The following DENND1A variants were observed in gnomAD, a reference collection of about 807,000 sequenced individuals.
DENND1A encodes DENN domain-containing protein 1A.
DENND1A carries 51 observed loss-of-function variants against 113.7 expected under a neutral mutation model. That is an observed-to-expected ratio of 0.45 (90% CI 0.36 to 0.57). The LOEUF (loss-of-function observed/expected upper bound fraction) is 0.57. DENND1A is among the 20% of genes least tolerant of loss of function. The pLI is 0.00. For synonymous variants in DENND1A, 565 were observed against 570.8 expected, an observed-to-expected ratio of 0.99 and a Z score of 0.14; for missense variants, 1,258 against 1,395.9, an observed-to-expected ratio of 0.90 and a Z score of 1.57.
intron 5 of DENND1A, among the ~76,000 whole-genome samples, chr9:123,740,572 G>A (rs1255572413): frequency 6.6e-6 from 1 of 151,718 alleles, no homozygotes; most frequent in Non-Finnish European, 1.5e-5. Flanking sequence ...AAGCATATGT[G>A]GAAAAACATA....
chr9:123,743,523 G>C (rs1328498567), intron 5 of DENND1A, among the ~76,000 whole-genome samples: 1 of 152,108 alleles, frequency 6.6e-6, no homozygotes, highest in East Asian at 1.9e-4. Flanking sequence ...CCTGAGGTCA[G>C]GGGTTTGAGA....
At chr9:123,452,448 G>A (rs2132722880) in intron 16 of DENND1A, 101 bp from the exon 17 acceptor site, 1 of 936,510 alleles carries the variant, frequency 1.1e-6, no homozygotes, top group East Asian at 2.5e-5. Context: ...CATTTCAAAG[G>A]TATGTAAATG....
chr9:123,830,757 T>A (rs896042044), intron 2 of DENND1A, among the ~76,000 whole-genome samples: 1 of 150,134 alleles, frequency 6.7e-6, no homozygotes, highest in Non-Finnish European at 1.5e-5. Context: ...TCCCAGCTAC[T>A]CGGGAGGCTG....
chr9:123,848,675 T>C (rs1395770757), intron 2 of DENND1A, among the ~76,000 whole-genome samples: 1 of 152,180 alleles, frequency 6.6e-6, no homozygotes, highest in African/African-American at 2.4e-5. Context: ...GACGAAGGCA[T>C]ATTGAAAGTC....
chr9:123,384,361 G>A (rs1249076381), intron 22 of DENND1A, among the ~76,000 whole-genome samples: 1 of 152,242 alleles, frequency 6.6e-6, no homozygotes, highest in Non-Finnish European at 1.5e-5. Flanking sequence ...AACAGCCCAT[G>A]GGGAACTGGG....
Position 123,879,009 on chromosome 9 carries a change from C to G in DENND1A, c.30G>C (p.Glu10Asp). Residue 10 changes from glutamate (E) to aspartate (D), a missense_variant, in exon 2 of 24, where the codon GAG (glutamate) becomes GAC (aspartate). Around this residue, in one of 2 missense-constraint regions of DENND1A, gnomAD observed 99 missense variants for 164.2 expected, o/e 0.60. Coordinates refer to ENST00000394215, the MANE Select transcript of DENND1A (RefSeq NM_001352964.2). Reference sequence around the variant, plus strand: ...CTTCAACATATACTTCAAATGTGGTCTCTGGATTCTGCCTACAAAAGAAAC... The same window carrying G: ...CTTCAACATATACTTCAAATGTGGTGTCTGGATTCTGCCTACAAAAGAAAC... MGSRIKQNP[E>D]TTFEVYVEVA... The G allele has an allele frequency of 6.2e-7, 1 of 1,613,878 alleles. No homozygotes were observed. The highest frequency in any genetic ancestry group is 2.2e-5 in the East Asian group (1 of 44,862).
chr9:123,439,207 T>TATCA (rs1163264239), intron 19 of DENND1A, among the ~76,000 whole-genome samples: 1 of 152,226 alleles, frequency 6.6e-6, no homozygotes, highest in African/African-American at 2.4e-5. Flanking sequence ...ACTAAATGAG[T>TATCA]ATCACCCTGT....
intron 5 of DENND1A, among the ~76,000 whole-genome samples, chr9:123,750,581 C>T (rs2069931043): frequency 6.6e-6 from 1 of 152,210 alleles, no homozygotes; most frequent in Admixed American, 6.5e-5. Context: ...GCAGTGGGGC[C>T]TTCTGCCAAC....
At chr9:123,489,362 C>T (rs76145471) in intron 13 of DENND1A, among the ~76,000 whole-genome samples, 2,722 of 152,308 alleles carry the variant, frequency 0.018, 71 homozygotes, top group African/African-American at 0.059. Context: ...AATCCTGGCA[C>T]TGAGTAGATG....
chr9:123,752,834 T>C (rs1398449918), intron 5 of DENND1A, among the ~76,000 whole-genome samples: 1 of 152,236 alleles, frequency 6.6e-6, no homozygotes, highest in Non-Finnish European at 1.5e-5. Context: ...GCTAAAATGC[T>C]CTCACATCCC....
At chr9:123,916,838 T>C (rs1378489500) in intron 1 of DENND1A, among the ~76,000 whole-genome samples, 2 of 152,152 alleles carry the variant, frequency 1.3e-5, no homozygotes, top group East Asian at 3.8e-4. Context: ...GTAATTGTTT[T>C]AAAAATCAAA....
chr9:123,717,240 T>C (rs1443412266), intron 5 of DENND1A, among the ~76,000 whole-genome samples: 1 of 152,216 alleles, frequency 6.6e-6, no homozygotes, highest in Non-Finnish European at 1.5e-5. Flanking sequence ...TAAGCTTGAC[T>C]GTAAAATCAT....
intron 11 of DENND1A, among the ~76,000 whole-genome samples, chr9:123,583,719 A>G (rs1204116833): frequency 1.3e-5 from 2 of 152,296 alleles, no homozygotes; most frequent in East Asian, 3.9e-4. Context: ...GGATCCTGTC[A>G]TTCTTGGGTA....
chr9:123,669,209 A>G (rs1032909879), intron 7 of DENND1A, among the ~76,000 whole-genome samples: 5 of 152,218 alleles, frequency 3.3e-5, no homozygotes, highest in African/African-American at 9.6e-5. Flanking sequence ...CAAAAAGTCC[A>G]GGATTACCAT....
intron 5 of DENND1A, among the ~76,000 whole-genome samples, chr9:123,710,534 A>AACACACACACACACACACACACACAC (rs59599155): frequency 2.6e-5 from 3 of 116,698 alleles, no homozygotes; most frequent in South Asian, 2.7e-4. Context: ...AGCCTCATTA[A>AACACACACACACACACACACACACAC]ACACACACAC....
chr9:123,487,022 G>A (rs1456454411), intron 13 of DENND1A, among the ~76,000 whole-genome samples: 1 of 152,198 alleles, frequency 6.6e-6, no homozygotes, highest in East Asian at 1.9e-4. Flanking sequence ...TTGCTGCACA[G>A]ACACTGGAGT....
chr9:123,744,125 C>T (rs985997174), intron 5 of DENND1A, among the ~76,000 whole-genome samples: 2 of 152,146 alleles, frequency 1.3e-5, no homozygotes, highest in Admixed American at 6.5e-5. Flanking sequence ...CTTGATAGAA[C>T]AGCCAGGATA....
intron 2 of DENND1A, chr9:123,798,483 T>C (rs889796715): frequency 3.9e-5 from 6 of 152,200 alleles, no homozygotes; most frequent in Admixed American, 6.5e-5. Context: ...AATGAGTCCA[T>C]TGACATTATA....
intron 3 of DENND1A, among the ~76,000 whole-genome samples, chr9:123,772,617 G>T (rs143769372): frequency 6.6e-6 from 1 of 152,172 alleles, no homozygotes; most frequent in Non-Finnish European, 1.5e-5. Context: ...GCTAAGGCAG[G>T]GGGTGGGGAG....
Sources: gnomAD v4.1 joint callset for allele counts (sites outside exome capture counted in the v4.1 genomes callset) on GRCh38, gnomAD v4.1.1 for gene constraint, gnomAD v4.1.1 regional missense constraint, MANE v1.5 for transcripts, NCBI Gene and HGNC (gene_info 2026-07-23, HGNC 2026-07-21) for gene names.